FLT4: variants seen among roughly 807,000 people sequenced by gnomAD.
FLT4 encodes vascular endothelial growth factor receptor 3.
In FLT4, 30 loss-of-function variants were observed where a neutral mutation model predicts 163.2. The ratio of observed to expected loss-of-function variants is 0.18; its 90% CI spans 0.14 to 0.25. The LOEUF is 0.25. Ranked by LOEUF, FLT4 falls within the 10% of genes least tolerant of loss-of-function variation. The pLI is 1.00. For missense variants in FLT4, 1,510 were observed against 1,863.8 expected (o/e 0.81, Z 3.50); for synonymous variants, 884 against 789.5 (o/e 1.12, Z -2.01).
At chr5:180,648,794 C>T (rs1765605796) in intron 1 of FLT4, among the ~76,000 whole-genome samples, 1 of 152,222 alleles carries the variant, frequency 6.6e-6, no homozygotes, top group Non-Finnish European at 1.5e-5. Flanking sequence ...GCCTCTGCTC[C>T]TCAGCTGGCC....
intron 1 of FLT4, among the ~76,000 whole-genome samples, chr5:180,642,015 T>C (rs530926829): frequency 3.2e-4 from 49 of 152,268 alleles, no homozygotes; most frequent in African/African-American, 1.1e-3. Flanking sequence ...GAGACCATCC[T>C]GGCCAACATG....
chr5:180,608,390 A>C, intron 29 of FLT4: 3 of 696,892 alleles, frequency 4.3e-6, no homozygotes, highest in Non-Finnish European at 7.9e-6. Context: ...GCATGCAATA[A>C]ATATCAGCGT....
chr5:180,601,895 G>GTC lies in FLT4; in HGVS notation c.*1295_*1296dup, dbSNP rs1761537166. On this transcript the variant is annotated 3_prime_UTR_variant, in exon 30 of 30. Coordinates refer to ENST00000261937, the MANE Select transcript of FLT4 (RefSeq NM_182925.5). ...GCTGCGCGGCGCCTGTCCTGCAAGC[G>GTC]TCTGGTGCGTGGGTTTGGGGGGTCA... is the stretch of plus-strand genomic sequence containing the variant. 2 of 233,460 alleles carry GTC rather than the reference G, an allele frequency of 8.6e-6. No homozygotes were observed. Among genetic ancestry groups the GTC allele is most frequent in the Admixed American group, 5.6e-5 (1 of 17,786 alleles). The allele number at this position is 233,460 out of a possible 1,614,324, so 14.5% of individuals were successfully genotyped here. A position where few individuals can be genotyped will look rare whatever the true frequency, so the allele number is the denominator to read the frequency against.
In FLT4 at chr5:180,629,374, T is replaced by C; in HGVS notation, c.870A>G (p.Glu290=). 1 of 1,612,482 alleles carries C rather than the reference T, an allele frequency of 6.2e-7. No homozygotes were observed. Among genetic ancestry groups the C allele is most frequent in the East Asian group, 2.2e-5 (1 of 44,858 alleles). The change falls in exon 7 of 30, where the codon GAA becomes GAG. Residue 290 remains glutamate, a synonymous_variant. Transcript: ENST00000261937. ...TGTGGATGGTCAGGATGCTGGAGAG[T>C]TCTGTGTGGGTCTGCTGGGAGCGTC... ...PERRSQQTHT[E]LSSILTIHNV...
chr5:180,613,248 G>A, intron 24 of FLT4, 138 bp from the exon 25 acceptor site: 4 of 613,476 alleles, frequency 6.5e-6, no homozygotes, highest in Non-Finnish European at 1.2e-5. Flanking sequence ...GGGTGGAGAT[G>A]GCTCACCCGA....
rs774412956 is a variant in FLT4, at chr5:180,620,337, G to C, written c.2407-29C>G. 1.0e-5 allele frequency: 16 copies of C among 1,607,910 alleles called. No homozygotes were observed. The highest frequency in any genetic ancestry group is 5.0e-5 in the Admixed American group (3 of 59,988). On this transcript the variant is annotated intron_variant, in intron 16 of 29. Coordinates refer to ENST00000261937, the MANE Select transcript of FLT4 (RefSeq NM_182925.5). This position sits in a 1 kb window ranked among gnomAD's most constrained non-coding sequence, Gnocchi z 4.4. Reference sequence around the variant, plus strand: ...CGGGGAGGGGACAGGGAGGAGTGGGGCAGCTCACTGATTTGGCCATACCAC... The same window carrying C: ...CGGGGAGGGGACAGGGAGGAGTGGGCCAGCTCACTGATTTGGCCATACCAC...
At chr5:180,613,544 C>T (rs1490301640) in intron 24 of FLT4, 1 of 251,066 alleles carries the variant, frequency 4.0e-6, no homozygotes, top group Non-Finnish European at 7.8e-6. Context: ...GCTCCCCGTC[C>T]TGGACTGCTG....
At chr5:180,634,262 T>A (rs894246728) in intron 1 of FLT4, among the ~76,000 whole-genome samples, 7 of 152,238 alleles carry the variant, frequency 4.6e-5, no homozygotes, top group African/African-American at 1.7e-4. Flanking sequence ...TCAGGCAGCA[T>A]CAGCCTCCTC....
At position 180,631,589 on chromosome 5, in the gene FLT4, G is replaced by C; in HGVS notation, c.155+93C>G. On this transcript the variant is annotated intron_variant, in intron 2 of 29. Transcript: ENST00000261937. ...GGCCACTCTGCCCTGACTCTGCCCT[G>C]GGAGGGGGCTGCCATCTGGGCCCAC... 7 of 1,026,972 alleles carry C rather than the reference G, an allele frequency of 6.8e-6. No homozygotes were observed. The South Asian group carries it at 8.9e-5, about 13-fold the overall frequency. 63.6% of individuals were successfully genotyped at this position (1,026,972 alleles called of 1,614,324 possible).
At chr5:180,613,332 G>A (rs974333616) in intron 24 of FLT4, 2 of 493,656 alleles carry the variant, frequency 4.1e-6, no homozygotes, top group Non-Finnish European at 3.6e-6. Context: ...AAAGAGGACT[G>A]TGCCGCCTGC....
In FLT4 at chr5:180,619,361, C is replaced by A. The variant is rs1581641970; in HGVS notation, c.2653G>T (p.Ala885Ser). ...TVAVKMLKEG[A>S]TASEHRALMS... ...AGCGCGCGGTGCTCGCTGGCCGTGGCGCCCTCTGGAGGGGACACGGGCCTC... is the reference window on the plus strand; with the variant it reads ...AGCGCGCGGTGCTCGCTGGCCGTGGAGCCCTCTGGAGGGGACACGGGCCTC... The change falls in exon 19 of 30, where the codon GCC (alanine) becomes TCC (serine). Residue 885 changes from alanine (A) to serine (S), a missense_variant. This residue lies in a region of FLT4 where 878 missense variants were observed against 1,016.7 expected (regional missense o/e 0.86). Transcript: ENST00000261937. 1.2e-6 allele frequency: 2 copies of A among 1,608,492 alleles called. No homozygotes were observed. Among genetic ancestry groups the A allele is most frequent in the African/African-American group, 1.3e-5 (1 of 74,990 alleles).
chr5:180,618,186 C>G (rs1581637430), intron 21 of FLT4, among the ~76,000 whole-genome samples: 1 of 82,578 alleles, frequency 1.2e-5, no homozygotes, highest in South Asian at 6.0e-4. Flanking sequence ...TATTCCAGAG[C>G]ACCCTCTCCT....
At chr5:180,638,951 C>T (rs1424124483) in intron 1 of FLT4, among the ~76,000 whole-genome samples, 1 of 137,626 alleles carries the variant, frequency 7.3e-6, no homozygotes, top group Non-Finnish European at 1.5e-5. Context: ...CAGCACCTGG[C>T]ACAGAGTAAA....
intron 8 of FLT4, among the ~76,000 whole-genome samples, chr5:180,627,725 G>A (rs1272748404): frequency 6.6e-6 from 1 of 152,168 alleles, no homozygotes; most frequent in African/African-American, 2.4e-5. Flanking sequence ...GTAGACCCTG[G>A]ACGCAACAGA....
intron 12 of FLT4, among the ~76,000 whole-genome samples, chr5:180,622,304 C>T (rs1292317807): frequency 2.1e-5 from 3 of 143,200 alleles, no homozygotes; most frequent in Non-Finnish European, 4.6e-5. Context: ...CTGCTGGTGC[C>T]CTGATCTACA....
intron 8 of FLT4, among the ~76,000 whole-genome samples, chr5:180,627,356 G>A (rs764618585): frequency 6.6e-6 from 1 of 152,204 alleles, no homozygotes; most frequent in Non-Finnish European, 1.5e-5. Flanking sequence ...CAGGGCAGGG[G>A]CGGAACTGAG....
rs72818979 is a variant in FLT4, at chr5:180,633,674, G to A, written c.59-1896C>T. 3.7e-3 allele frequency among the ~76,000 whole-genome samples: 568 copies of A among 152,254 alleles called. 3 individuals carry two copies. The highest frequency in any genetic ancestry group is 6.3e-3 in the Non-Finnish European group (426 of 67,982). On this transcript the variant is annotated intron_variant, in intron 1 of 29. Transcript: ENST00000261937. Reference sequence around the variant, plus strand: ...TGAAGGAGGGGGATTTTTTTTCCAGGTAGTGGAAAGTAAGTCCATGCCAGG... The same window carrying A: ...TGAAGGAGGGGGATTTTTTTTCCAGATAGTGGAAAGTAAGTCCATGCCAGG...
In FLT4 at chr5:180,623,920, G is replaced by A. The variant is rs369617273; in HGVS notation, c.1548+15C>T. ...TCCTTCTCCCTGGGCACTCAGCAGC[G>A]CGGCTGGCCTGTACCTTATTCTTTC... On this transcript the variant is annotated intron_variant, in intron 11 of 29. Coordinates refer to ENST00000261937, the MANE Select transcript of FLT4 (RefSeq NM_182925.5). The surrounding 1 kb of genome is among the most constrained non-coding windows in gnomAD (Gnocchi z 5.8). The A allele has an allele frequency of 5.1e-5, 83 of 1,613,228 alleles. No individual in the cohort carries two copies. The highest frequency in any genetic ancestry group is 4.9e-4 in the African/African-American group (37 of 74,922).
intron 24 of FLT4, 98 bp from the exon 25 acceptor site, chr5:180,613,208 C>T (rs1762349343): frequency 2.6e-6 from 2 of 778,410 alleles, no homozygotes; most frequent in East Asian, 5.2e-5. Context: ...ATCAAGTCAC[C>T]CCGTCCTGTC....
Sources: allele counts gnomAD v4.1 joint callset (sites outside exome capture counted in the v4.1 genomes callset), GRCh38; gene constraint gnomAD v4.1.1; regional missense constraint gnomAD v4.1.1; non-coding constraint Gnocchi (gnomAD v3.1); transcripts MANE v1.5; gene names NCBI Gene and HGNC (gene_info 2026-07-23, HGNC 2026-07-21).